Variants in PDILT observed in about 807,000 individuals in gnomAD.
PDILT encodes protein disulfide-isomerase-like protein of the testis.
A neutral mutation model predicts 53.7 loss-of-function variants in PDILT; 43 were observed. The ratio of observed to expected loss-of-function variants is 0.80; its 90% CI spans 0.63 to 1.03. The LOEUF is 1.03. PDILT is among the 50% of genes least tolerant of loss of function. PDILT has a pLI of 0.00. For synonymous variants in PDILT, 282 were observed against 274.2 expected, an observed-to-expected ratio of 1.03 and a Z score of -0.28; for missense variants, 727 against 712.3, an observed-to-expected ratio of 1.02 and a Z score of -0.24.
At chr16:20,360,432 A>G in intron 11 of PDILT, 136 bp downstream of exon 11, 1 of 826,198 alleles carries the variant, frequency 1.2e-6, no homozygotes, top group Non-Finnish European at 2.0e-6. Context: ...GAGTCACCCA[A>G]CCTGGATGCT....
chr16:20,397,041 G>T (rs1356542566), intron 2 of PDILT, among the ~76,000 whole-genome samples: 1 of 152,206 alleles, frequency 6.6e-6, no homozygotes, highest in Non-Finnish European at 1.5e-5. Context: ...ATCTTCTTAA[G>T]TTCTTATTAC....
Position 20,359,200 on chromosome 16 carries a change from C to A in PDILT, c.*119G>T, listed in dbSNP as rs57520361. The A allele has an allele frequency of 1.5e-3, 2,220 of 1,480,922 alleles. 30 individuals are homozygous for A. The African/African-American group carries it at 0.026, about 17-fold the overall frequency. 91.7% of individuals were successfully genotyped at this position (1,480,922 alleles called of 1,614,324 possible). ...GACACTCAGAGGCTTTATTATCCAC[C>A]CCTACCCCCGCCCCACCTACCCTAC... On this transcript the variant is annotated 3_prime_UTR_variant, in exon 12 of 12. Coordinates refer to ENST00000302451, the MANE Select transcript of PDILT (RefSeq NM_174924.2).
rs368369154 is a variant in PDILT, at chr16:20,399,120, G to A, written c.181C>T (p.Arg61Cys). The change falls in exon 2 of 12, where the codon CGC becomes TGC. Residue 61 changes from arginine to cysteine, a missense_variant. By Grantham distance (180) the Arg-to-Cys change is radical. Coordinates refer to ENST00000302451, the MANE Select transcript of PDILT (RefSeq NM_174924.2). ...AGLTQMLNQT[R>C]FLMVLFHNPS... ...TCACGGAAAAGCACCATGAGGAAGC[G>A]GGTCTGGTTCAGCATCTGGGTCAGG... is the stretch of plus-strand genomic sequence containing the variant. The A allele has an allele frequency of 1.8e-5, 29 of 1,614,074 alleles. No homozygotes were observed. Among genetic ancestry groups the A allele is most frequent in the Admixed American group, 1.7e-5 (1 of 60,000 alleles).
rs1596602565 is a variant in PDILT at position 20,402,288 on chromosome 16, TGA to T, written c.-8+2206_-8+2207del. Among the ~76,000 whole-genome samples the T allele has an allele frequency of 5.7e-5, 6 of 105,952 alleles. No homozygotes were observed. The East Asian group carries it at 1.4e-3, about 25-fold the overall frequency. The allele number at this position is 105,952 out of a possible 152,430, so 69.5% of individuals were successfully genotyped here. A position where few individuals can be genotyped will look rare whatever the true frequency, so the allele number is the denominator to read the frequency against. ...AAGTGTTGGAGTCAGGGAGGAGTGT[TGA>T]TCTTTTCTTTTCTTTTCTTTTCTTT... is the stretch of plus-strand genomic sequence containing the variant. On this transcript the variant is annotated intron_variant, in intron 1 of 11. Transcript: ENST00000302451.
intron 7 of PDILT, among the ~76,000 whole-genome samples, chr16:20,372,349 C>A (rs189254717): frequency 3.3e-5 from 5 of 152,328 alleles, no homozygotes; most frequent in African/African-American, 1.2e-4. Context: ...AATGTTAAAG[C>A]CCAGAATCTT....
In PDILT at chr16:20,365,489, T is replaced by G. The variant is rs750027373; in HGVS notation, c.1168A>C (p.Lys390Gln). ...IPKYWDQGLV[K>Q]QLVGKNFNVV... ...TTGAAGTTCTTCCCCACGAGCTGCTTAACCAGTCCCTGGTCCCAGTATTTT... is the reference window on the plus strand; with the variant it reads ...TTGAAGTTCTTCCCCACGAGCTGCTGAACCAGTCCCTGGTCCCAGTATTTT... The change falls in exon 9 of 12, where the codon AAG becomes CAG. Residue 390 changes from lysine to glutamine, a missense_variant. Transcript: ENST00000302451. 2.9e-4 allele frequency: 464 copies of G among 1,613,874 alleles called. No homozygotes were observed. Among genetic ancestry groups the G allele is most frequent in the Non-Finnish European group, 3.9e-4 (456 of 1,179,854 alleles).
rs1377057916 is a variant in PDILT, at chr16:20,376,001, C to T, written c.543+67G>A. ...ATCAAAACGGAAGAGTCTCCTCACA[C>T]CACCCCCTCCCAGACACAGCACTTC... On this transcript the variant is annotated intron_variant, in intron 4 of 11. Transcript: ENST00000302451. 3.8e-6 allele frequency: 6 copies of T among 1,584,464 alleles called. No homozygotes were observed. The East Asian group carries it at 1.3e-4, about 36-fold the overall frequency.
In PDILT at chr16:20,389,880, G is replaced by A. The variant is rs11647092; in HGVS notation, c.203-5029C>T. Among the ~76,000 whole-genome samples the A allele has an allele frequency of 5.4e-3, 827 of 152,118 alleles. 16 individuals are homozygous for A. The South Asian group carries it at 0.062, about 11-fold the overall frequency. The stretch of plus-strand genomic sequence containing the variant: ...CTTTAGACCAGTGGTTCTCAATGTC[G>A]GACGTTTTGCAAGGTCTGGAGGCAT... On this transcript the variant is annotated intron_variant, in intron 2 of 11. Coordinates refer to ENST00000302451, the MANE Select transcript of PDILT (RefSeq NM_174924.2).
chr16:20,369,778 T>A, intron 7 of PDILT, 89 bp from the exon 8 acceptor site: 2 of 1,324,614 alleles, frequency 1.5e-6, no homozygotes, highest in South Asian at 2.4e-5. Context: ...GGGATGCACA[T>A]GGTGGGGTCT....
chr16:20,401,803 C>A (rs901585103), intron 1 of PDILT, among the ~76,000 whole-genome samples: 7 of 152,234 alleles, frequency 4.6e-5, no homozygotes, highest in Admixed American at 3.9e-4. Context: ...CTACAGTGGG[C>A]TCCCTCTCAT....
chr16:20,402,700 T>C (rs1175736715), intron 1 of PDILT, among the ~76,000 whole-genome samples: 1 of 152,146 alleles, frequency 6.6e-6, no homozygotes, highest in Non-Finnish European at 1.5e-5. Flanking sequence ...TTTCTGGGAG[T>C]GTGGGAGAAA....
At chr16:20,402,424 G>A (rs951676262) in intron 1 of PDILT, among the ~76,000 whole-genome samples, 1 of 152,096 alleles carries the variant, frequency 6.6e-6, no homozygotes, top group Admixed American at 6.6e-5. Context: ...TCAGCCTCTG[G>A]AGTAGCTGGG....
At chr16:20,379,392 C>T (rs750600119) in intron 3 of PDILT, among the ~76,000 whole-genome samples, 4 of 152,110 alleles carry the variant, frequency 2.6e-5, no homozygotes, top group African/African-American at 7.2e-5. Flanking sequence ...AGGCTGGTCT[C>T]GAACTCCAGG....
chr16:20,398,159 C>G (rs1216652225), intron 2 of PDILT, among the ~76,000 whole-genome samples: 1 of 152,164 alleles, frequency 6.6e-6, no homozygotes, highest in Non-Finnish European at 1.5e-5. Context: ...GCCAGGCACA[C>G]CATGAATGCT....
intron 3 of PDILT, among the ~76,000 whole-genome samples, chr16:20,381,529 G>A (rs183894457): frequency 5.0e-4 from 76 of 151,694 alleles, no homozygotes; most frequent in Non-Finnish European, 9.6e-4. Context: ...CCAGCTACTC[G>A]GGAGGCTAAT....
intron 9 of PDILT, 56 bp from the exon 10 acceptor site, chr16:20,362,638 C>A: frequency 6.4e-7 from 1 of 1,563,738 alleles, no homozygotes; most frequent in South Asian, 1.2e-5. Flanking sequence ...AGAAAGCTGG[C>A]GCCACCCTAC....
chr16:20,376,326 A>T (rs1222121327), intron 3 of PDILT, 125 bp from the exon 4 acceptor site: 4 of 1,123,174 alleles, frequency 3.6e-6, no homozygotes, highest in Non-Finnish European at 3.7e-6. Context: ...CTTGAAGGCC[A>T]AAGTCAGTTC....
Position 20,373,016 on chromosome 16 carries a change from G to T in PDILT, c.788C>A (p.Thr263Asn). ...HLTDFVIEYN[T>N]ENKDLISELH... is the part of the protein sequence containing the mutation. ...GGGGACCATTTACTCACTGACCTCA[G>T]TGTTGTATTCGATCACAAAATCTGT... Residue 263 changes from threonine (T) to asparagine (N), a missense_variant, in exon 6 of 12, where the codon ACT becomes AAT. Transcript: ENST00000302451. The T allele has an allele frequency of 6.2e-7, 1 of 1,614,046 alleles. No individual in the cohort carries two copies. The highest frequency in any genetic ancestry group is 8.5e-7 in the Non-Finnish European group (1 of 1,179,928).
intron 8 of PDILT, among the ~76,000 whole-genome samples, chr16:20,368,638 C>G (rs1395856175): frequency 6.6e-6 from 1 of 151,954 alleles, no homozygotes; most frequent in Non-Finnish European, 1.5e-5. Flanking sequence ...CCTCTGTGGC[C>G]CAGGCTGGAG....
Sources: gnomAD v4.1 joint callset for allele counts (sites outside exome capture counted in the v4.1 genomes callset) on GRCh38, gnomAD v4.1.1 for gene constraint, MANE v1.5 for transcripts, NCBI Gene and HGNC (gene_info 2026-07-23, HGNC 2026-07-21) for gene names.